The following B3GALT1 variants were observed in gnomAD, a reference collection of about 807,000 sequenced individuals.
The protein encoded by B3GALT1 is UDP-Gal:betaGlcNAc beta 1,3-galactosyltransferase, polypeptide 1.
A neutral mutation model predicts 23.2 loss-of-function variants in B3GALT1; 10 were observed. That is an observed-to-expected ratio of 0.43 (90% CI 0.27 to 0.73). The LOEUF (loss-of-function observed/expected upper bound fraction) is 0.73, where lower values mean the gene tolerates loss of function less well. Among genes scored for constraint, B3GALT1 ranks in the 30% least tolerant of loss-of-function variants. The probability of loss-of-function intolerance (pLI) is 0.21; values close to 1 mark genes in which losing one functional copy is unlikely to be tolerated. For synonymous variants in B3GALT1, 156 were observed against 141.5 expected, an observed-to-expected ratio of 1.10 and a Z score of -0.73; for missense variants, 299 against 405.4, an observed-to-expected ratio of 0.74 and a Z score of 2.25.
intron 1 of B3GALT1, among the ~76,000 whole-genome samples, chr2:167,345,659 T>C (rs970899643): frequency 2.0e-5 from 3 of 152,112 alleles, no homozygotes; most frequent in Non-Finnish European, 4.4e-5. Context: ...TCCACAAATA[T>C]GTGCTCGCTG....
At chr2:167,809,699 G>T (rs1179953556) in intron 3 of B3GALT1, among the ~76,000 whole-genome samples, 1 of 152,200 alleles carries the variant, frequency 6.6e-6, no homozygotes, top group Non-Finnish European at 1.5e-5. Context: ...CCCCTACTGG[G>T]GGGTGCCTCC....
chr2:167,836,228 C>A (rs1317509822), intron 4 of B3GALT1, among the ~76,000 whole-genome samples: 2 of 152,076 alleles, frequency 1.3e-5, no homozygotes, highest in African/African-American at 4.8e-5. Context: ...GATCAAACTA[C>A]AAGCTACAGG....
intron 3 of B3GALT1, among the ~76,000 whole-genome samples, chr2:167,702,888 G>C (rs1006242638): frequency 1.3e-5 from 2 of 152,160 alleles, no homozygotes; most frequent in Non-Finnish European, 2.9e-5. Context: ...GTTTGTTCCA[G>C]TTTAAACTTC....
rs556375476 is a variant in B3GALT1, at chr2:167,533,391, C to T, written c.-410+43114C>T. Reference sequence around the variant, plus strand: ...GACACATCAAATACTTTTTAAGAATCTATTAATAGTGTGACTTTTCTTTCT... The same window carrying T: ...GACACATCAAATACTTTTTAAGAATTTATTAATAGTGTGACTTTTCTTTCT... On this transcript the variant is annotated intron_variant, in intron 2 of 4. Coordinates refer to ENST00000392690, the MANE Select transcript of B3GALT1 (RefSeq NM_020981.4). Among the ~76,000 whole-genome samples, 6 of 152,000 alleles carry T rather than the reference C, an allele frequency of 3.9e-5. No individual in the cohort carries two copies. The East Asian group carries it at 1.2e-3, about 29-fold the overall frequency.
chr2:167,604,875 C>G (rs1357439483), intron 2 of B3GALT1, among the ~76,000 whole-genome samples: 4 of 152,110 alleles, frequency 2.6e-5, no homozygotes, highest in Non-Finnish European at 5.9e-5. Context: ...GAAGAGTGAG[C>G]CTTTCAGGGC....
rs73019361 is a variant in B3GALT1, at chr2:167,748,743, T to C, written c.-351-69929T>C. 3.5e-3 allele frequency among the ~76,000 whole-genome samples: 540 copies of C among 152,294 alleles called. 4 individuals are homozygous for C. Among genetic ancestry groups the C allele is most frequent in the African/African-American group, 0.012 (509 of 41,574 alleles). The stretch of plus-strand genomic sequence containing the variant: ...AGTCACATTGAACAATGAATTTTAG[T>C]GTTTGAGACTTGCTTTTAAGGAGTC... On this transcript the variant is annotated intron_variant, in intron 3 of 4. Transcript: ENST00000392690.
At chr2:167,554,682 A>T (rs1019473953) in intron 2 of B3GALT1, among the ~76,000 whole-genome samples, 2 of 152,180 alleles carry the variant, frequency 1.3e-5, no homozygotes, top group African/African-American at 4.8e-5. Context: ...CATAAAACTC[A>T]TAGCACATCT....
intron 1 of B3GALT1, among the ~76,000 whole-genome samples, chr2:167,386,974 C>T (rs375959693): frequency 4.4e-4 from 67 of 151,486 alleles, no homozygotes; most frequent in African/African-American, 1.4e-3. Context: ...TGCTTTAGGG[C>T]TCTGTGGAAC....
At chr2:167,433,835 A>G (rs1362365641) in intron 1 of B3GALT1, among the ~76,000 whole-genome samples, 1 of 152,120 alleles carries the variant, frequency 6.6e-6, no homozygotes, top group Non-Finnish European at 1.5e-5. Flanking sequence ...CTGAGGTGGG[A>G]AGAGATTGCT....
chr2:167,484,485 T>C (rs779975532), intron 1 of B3GALT1, among the ~76,000 whole-genome samples: 1 of 152,202 alleles, frequency 6.6e-6, no homozygotes, highest in Admixed American at 6.5e-5. Context: ...CTATGAGTTA[T>C]ACATTGTTTG....
chr2:167,387,882 T>G (rs1215414342), intron 1 of B3GALT1, among the ~76,000 whole-genome samples: 1 of 152,212 alleles, frequency 6.6e-6, no homozygotes, highest in East Asian at 1.9e-4. Flanking sequence ...ATTTCAAAAT[T>G]TTATTTTCTT....
At chr2:167,667,200 T>G (rs1269253604) in intron 3 of B3GALT1, among the ~76,000 whole-genome samples, 3 of 152,214 alleles carry the variant, frequency 2.0e-5, no homozygotes, top group Non-Finnish European at 4.4e-5. Flanking sequence ...TATTTCTCCT[T>G]CACTTATGAA....
At chr2:167,331,125 G>T (rs567596010) in intron 1 of B3GALT1, among the ~76,000 whole-genome samples, 1 of 152,090 alleles carries the variant, frequency 6.6e-6, no homozygotes, top group African/African-American at 2.4e-5. Flanking sequence ...CCTCAGAAGG[G>T]TCTATGATTT....
chr2:167,581,608 C>T (rs1304210815), intron 2 of B3GALT1, among the ~76,000 whole-genome samples: 1 of 152,214 alleles, frequency 6.6e-6, no homozygotes, highest in Non-Finnish European at 1.5e-5. Flanking sequence ...CCAGCTCTGA[C>T]AAGCCTCCTG....
intron 3 of B3GALT1, among the ~76,000 whole-genome samples, chr2:167,746,904 G>T (rs1458846402): frequency 6.6e-6 from 1 of 152,170 alleles, no homozygotes; most frequent in South Asian, 2.1e-4. Context: ...TGTTGAAAGT[G>T]CATGCATTCT....
At chr2:167,796,472 G>A (rs1047382040) in intron 3 of B3GALT1, among the ~76,000 whole-genome samples, 14 of 152,162 alleles carry the variant, frequency 9.2e-5, no homozygotes, top group Non-Finnish European at 1.8e-4. Flanking sequence ...TATAGGCCAG[G>A]TATGGTGGCT....
chr2:167,396,654 C>T (rs76550445), intron 1 of B3GALT1, among the ~76,000 whole-genome samples: 1 of 150,640 alleles, frequency 6.6e-6, no homozygotes, highest in Non-Finnish European at 1.5e-5. Context: ...TAAAACTTAG[C>T]CTTTACCCAT....
At chr2:167,581,332 G>A (rs1684480322) in intron 2 of B3GALT1, among the ~76,000 whole-genome samples, 1 of 152,192 alleles carries the variant, frequency 6.6e-6, no homozygotes, top group Admixed American at 6.5e-5. Context: ...ATGTTAAAGT[G>A]TAATGTGCCT....
At chr2:167,308,337 A>G (rs1343985835) in intron 1 of B3GALT1, among the ~76,000 whole-genome samples, 1 of 151,984 alleles carries the variant, frequency 6.6e-6, no homozygotes, top group Non-Finnish European at 1.5e-5. Context: ...ATCTATTACT[A>G]GAAAGGAGAT....
Sources: allele counts gnomAD v4.1 joint callset (sites outside exome capture counted in the v4.1 genomes callset), GRCh38; gene constraint gnomAD v4.1.1; transcripts MANE v1.5; gene names NCBI Gene and HGNC (gene_info 2026-07-23, HGNC 2026-07-21).